The following TADA2B variants were observed in gnomAD, a reference collection of about 807,000 sequenced individuals.
TADA2B encodes transcriptional adaptor 2B, also known as transcriptional adapter 2-beta.
TADA2B carries 13 observed loss-of-function variants against 34.5 expected under a neutral mutation model. The ratio of observed to expected loss-of-function variants is 0.38; its 90% CI spans 0.25 to 0.60. The LOEUF (loss-of-function observed/expected upper bound fraction) is 0.60, where lower values mean the gene tolerates loss of function less well. TADA2B is among the 20% of genes least tolerant of loss of function. TADA2B has a pLI of 0.65. For synonymous variants in TADA2B, 240 were observed against 243.4 expected (o/e 0.99, Z 0.13); for missense variants, 442 against 575.0 (o/e 0.77, Z 2.37).
In TADA2B at chr4:7,043,517, GC is replaced by G; in HGVS notation, c.-62del. 1.0e-6 allele frequency: 1 copy of G among 971,674 alleles called. No homozygotes were observed. The highest frequency in any genetic ancestry group is 1.2e-6 in the Non-Finnish European group (1 of 817,508). The allele number at this position is 971,674 out of a possible 1,614,324, so 60.2% of individuals were successfully genotyped here. A position where few individuals can be genotyped will look rare whatever the true frequency, so the allele number is the denominator to read the frequency against. Reference sequence around the variant, plus strand: ...GGCGGCGGGTCCCGCGGGCGGCGGGGCGCTGACGGCCGGGGGCGCGGCGGCT... The same window carrying G: ...GGCGGCGGGTCCCGCGGGCGGCGGGGGCTGACGGCCGGGGGCGCGGCGGCT... On this transcript the variant is annotated 5_prime_UTR_variant, in exon 1 of 2. Coordinates refer to ENST00000310074, the MANE Select transcript of TADA2B (RefSeq NM_152293.3).
chr4:7,054,647 G>A lies in TADA2B; in HGVS notation c.856G>A (p.Ala286Thr). The change falls in exon 2 of 2, where the codon GCC becomes ACC. Residue 286 changes from alanine (A) to threonine (T), a missense_variant. By Grantham distance (58) the Ala-to-Thr change is moderately conservative. Around this residue, in one of 4 missense-constraint regions of TADA2B, gnomAD observed 222 missense variants for 235.2 expected, o/e 0.94. Transcript: ENST00000310074. ...ENMHKEKMLRAKIRELQRYRR... is the reference protein window; with the variant it reads ...ENMHKEKMLRTKIRELQRYRR... ...CATGCACAAAGAAAAAATGCTCCGG[G>A]CCAAGATCCGAGAACTGCAGCGGTA... The A allele has an allele frequency of 6.2e-7, 1 of 1,613,900 alleles. No individual in the cohort carries two copies. Among genetic ancestry groups the A allele is most frequent in the Non-Finnish European group, 8.5e-7 (1 of 1,179,882 alleles).
Position 7,043,543 on chromosome 4 carries a change from TGCGGCGGGCCGG to T in TADA2B, c.-27_-16del, listed in dbSNP as rs1240350963. On this transcript the variant is annotated 5_prime_UTR_variant, in exon 1 of 2. Transcript: ENST00000310074. ...CGCTGACGGCCGGGGGCGCGGCGGCTGCGGCGGGCCGGGCGGCGGGCGGCGAGCGGGGGAAGA... is the reference window on the plus strand; with the variant it reads ...CGCTGACGGCCGGGGGCGCGGCGGCTGCGGCGGGCGGCGAGCGGGGGAAGA... 7.7e-6 allele frequency: 9 copies of T among 1,161,886 alleles called. 1 individual carries two copies. In the South Asian group the frequency reaches 3.0e-4, roughly 39 times the overall value. The allele number at this position is 1,161,886 out of a possible 1,614,324, so 72.0% of individuals were successfully genotyped here. A position where few individuals can be genotyped will look rare whatever the true frequency, so the allele number is the denominator to read the frequency against.
At chr4:7,049,121 C>T (rs146171077) in intron 1 of TADA2B, among the ~76,000 whole-genome samples, 29 of 152,112 alleles carry the variant, frequency 1.9e-4, no homozygotes, top group Non-Finnish European at 2.9e-4. Flanking sequence ...CTCTATCGCC[C>T]AGGCTGGAGT....
At chr4:7,052,454 G>A (rs1000881456) in intron 1 of TADA2B, among the ~76,000 whole-genome samples, 3 of 152,254 alleles carry the variant, frequency 2.0e-5, no homozygotes, top group African/African-American at 7.2e-5. Flanking sequence ...GGTTGTCGGG[G>A]AAGAGCATGA....
chr4:7,045,703 CTG>C (rs767534482), intron 1 of TADA2B: 3 of 152,278 alleles, frequency 2.0e-5, no homozygotes, highest in East Asian at 3.9e-4. Flanking sequence ...GGTGGCATAT[CTG>C]TGCGTATCTC....
In TADA2B at chr4:7,055,326, T is replaced by G; in HGVS notation, c.*272T>G. On this transcript the variant is annotated 3_prime_UTR_variant, in exon 2 of 2. Coordinates refer to ENST00000310074, the MANE Select transcript of TADA2B (RefSeq NM_152293.3). ...CGCCTTTACCCGTTCAGTTGGGAGCTTATTGTGAGATTGGATCATTTCCTT... is the reference window on the plus strand; with the variant it reads ...CGCCTTTACCCGTTCAGTTGGGAGCGTATTGTGAGATTGGATCATTTCCTT... 1 of 387,252 alleles carries G rather than the reference T, an allele frequency of 2.6e-6. No individual in the cohort carries two copies. Among genetic ancestry groups the G allele is most frequent in the Non-Finnish European group, 4.6e-6 (1 of 216,646 alleles). The allele number at this position is 387,252 out of a possible 1,614,324, so 24.0% of individuals were successfully genotyped here.
At position 7,055,897 on chromosome 4, in the gene TADA2B, G is replaced by C. The variant is rs1019027380; in HGVS notation, c.*843G>C. Reference sequence around the variant, plus strand: ...GCCAGGCCCTCTCAGTCCATTTTCCGGGGCTGCTCGGTGCTGCTGTTAAGA... The same window carrying C: ...GCCAGGCCCTCTCAGTCCATTTTCCCGGGCTGCTCGGTGCTGCTGTTAAGA... On this transcript the variant is annotated 3_prime_UTR_variant, in exon 2 of 2. Coordinates refer to ENST00000310074, the MANE Select transcript of TADA2B (RefSeq NM_152293.3). 1 of 152,206 alleles carries C rather than the reference G, an allele frequency of 6.6e-6. No individual in the cohort carries two copies. The highest frequency in any genetic ancestry group is 1.5e-5 in the Non-Finnish European group (1 of 68,040). 9.4% of individuals were successfully genotyped at this position (152,206 alleles called of 1,614,324 possible). A position where few individuals can be genotyped will look rare whatever the true frequency, so the allele number is the denominator to read the frequency against.
In TADA2B at chr4:7,055,457, C is replaced by G. The variant is rs977775151; in HGVS notation, c.*403C>G. The stretch of plus-strand genomic sequence containing the variant: ...CTATTTCCTGGTGACACAAGCTCTT[C>G]TCAGGCGGGGCTGCCTGCAGGCTCC... On this transcript the variant is annotated 3_prime_UTR_variant, in exon 2 of 2. Coordinates refer to ENST00000310074, the MANE Select transcript of TADA2B (RefSeq NM_152293.3). The G allele has an allele frequency of 6.0e-6, 1 of 167,380 alleles. No individual in the cohort carries two copies. The highest frequency in any genetic ancestry group is 2.4e-5 in the African/African-American group (1 of 41,656). The allele number at this position is 167,380 out of a possible 1,614,324, so 10.4% of individuals were successfully genotyped here. A position where few individuals can be genotyped will look rare whatever the true frequency, so the allele number is the denominator to read the frequency against.
chr4:7,053,754 C>A lies in TADA2B; in HGVS notation c.271-308C>A, dbSNP rs79750062. The A allele has an allele frequency of 8.2e-3, 2,644 of 322,802 alleles. 77 individuals carry two copies. The highest frequency in any genetic ancestry group is 0.051 in the African/African-American group (2,417 of 47,192). The allele number at this position is 322,802 out of a possible 1,614,324, so 20.0% of individuals were successfully genotyped here. A position where few individuals can be genotyped will look rare whatever the true frequency, so the allele number is the denominator to read the frequency against. ...GTGGGGAATGAGAACAAAGTCCAAA[C>A]CTCAGCCAGGGGTTCTGGCCTCAGC... On this transcript the variant is annotated intron_variant, in intron 1 of 1. Coordinates refer to ENST00000310074, the MANE Select transcript of TADA2B (RefSeq NM_152293.3).
Position 7,055,117 on chromosome 4 carries a change from G to A in TADA2B, c.*63G>A, listed in dbSNP as rs1230971409. The A allele has an allele frequency of 6.7e-7, 1 of 1,494,258 alleles. No individual in the cohort carries two copies. The highest frequency in any genetic ancestry group is 8.9e-7 in the Non-Finnish European group (1 of 1,118,620). 92.6% of individuals were successfully genotyped at this position (1,494,258 alleles called of 1,614,324 possible). A position where few individuals can be genotyped will look rare whatever the true frequency, so the allele number is the denominator to read the frequency against. ...AGTGTGCCAGCCAAAATGACTTGGGGGAGGGGAGCCGCTTCCCCACTGTTG... is the reference window on the plus strand; with the variant it reads ...AGTGTGCCAGCCAAAATGACTTGGGAGAGGGGAGCCGCTTCCCCACTGTTG... On this transcript the variant is annotated 3_prime_UTR_variant, in exon 2 of 2. Coordinates refer to ENST00000310074, the MANE Select transcript of TADA2B (RefSeq NM_152293.3).
intron 1 of TADA2B, among the ~76,000 whole-genome samples, chr4:7,046,986 G>A (rs913082986): frequency 6.6e-6 from 1 of 152,148 alleles, no homozygotes; most frequent in African/African-American, 2.4e-5. Flanking sequence ...GTGTATGTTT[G>A]ATAGCGAGGG....
Position 7,054,548 on chromosome 4 carries a change from A to C in TADA2B, c.757A>C (p.Lys253Gln). The C allele has an allele frequency of 6.2e-7, 1 of 1,613,898 alleles. No individual in the cohort carries two copies. The highest frequency in any genetic ancestry group is 8.5e-7 in the Non-Finnish European group (1 of 1,179,894). The change falls in exon 2 of 2, where the codon AAG becomes CAG. Residue 253 changes from lysine to glutamine, a missense_variant. Transcript: ENST00000310074. ...GAAGCGCAAGATCACCAAGGAGGAG[A>C]AGGAGCTGCGCCTGAAGCTGAGGCC... ...ALKRKITKEEKELRLKLRPLY... is the reference protein window; with the variant it reads ...ALKRKITKEEQELRLKLRPLY...
At chr4:7,043,994 G>A (rs918781725) in intron 1 of TADA2B, 145 bp downstream of exon 1, 5 of 1,162,036 alleles carry the variant, frequency 4.3e-6, no homozygotes, top group African/African-American at 3.2e-5. Context: ...CGACGCTGCC[G>A]GTTTATAGTC....
intron 1 of TADA2B, among the ~76,000 whole-genome samples, chr4:7,046,633 A>G (rs1723637512): frequency 6.6e-6 from 1 of 152,224 alleles, no homozygotes; most frequent in Non-Finnish European, 1.5e-5. Context: ...GAGTGGCAGA[A>G]GGGCTTGACC....
At chr4:7,053,881 C>T (rs1040252877) in intron 1 of TADA2B, 181 bp from the exon 2 acceptor site, 4 of 637,958 alleles carry the variant, frequency 6.3e-6, no homozygotes, top group Admixed American at 3.1e-5. Context: ...TCAACATTGT[C>T]ATCTCTCCCC....
intron 1 of TADA2B, chr4:7,053,743 C>G (rs1203865840): frequency 1.4e-5 from 4 of 291,048 alleles, no homozygotes; most frequent in Non-Finnish European, 2.6e-5. Flanking sequence ...GGAATGAGAA[C>G]AAAGTCCAAA....
intron 1 of TADA2B, among the ~76,000 whole-genome samples, chr4:7,051,836 A>C: frequency 6.6e-6 from 1 of 152,310 alleles, no homozygotes; most frequent in East Asian, 1.9e-4. Context: ...TGACCTCGTG[A>C]TCCGCCTGCC....
At chr4:7,049,665 A>G (rs1328501348) in intron 1 of TADA2B, among the ~76,000 whole-genome samples, 1 of 152,252 alleles carries the variant, frequency 6.6e-6, no homozygotes, top group Non-Finnish European at 1.5e-5. Flanking sequence ...CATCAGAGGG[A>G]TGCTTGTGCT....
chr4:7,050,277 C>T (rs1055913368), intron 1 of TADA2B, among the ~76,000 whole-genome samples: 1 of 152,228 alleles, frequency 6.6e-6, no homozygotes, highest in African/African-American at 2.4e-5. Flanking sequence ...GTCCCCTGTC[C>T]CATGGATTCC....
Sources: gnomAD v4.1 joint callset for allele counts (sites outside exome capture counted in the v4.1 genomes callset) on GRCh38, gnomAD v4.1.1 for gene constraint, gnomAD v4.1.1 regional missense constraint, MANE v1.5 for transcripts, NCBI Gene and HGNC (gene_info 2026-07-23, HGNC 2026-07-21) for gene names.